SPMIP6: variants seen among roughly 807,000 people sequenced by gnomAD.
SPMIP6 encodes sperm microtubule inner protein 6.
the SPMIP6 span, among the ~76,000 whole-genome samples, chr9:34,387,888 C>G: frequency 6.6e-6 from 1 of 152,164 alleles, no homozygotes; most frequent in South Asian, 2.1e-4. Context: ...TCAGAAAAGA[C>G]TCCTTCAACC....
chr9:34,385,677 G>A, the SPMIP6 span: 42 of 1,613,910 alleles, frequency 2.6e-5, no homozygotes, highest in South Asian at 4.4e-4. Context: ...GCAAGTAGGG[G>A]TGGCCTGATA....
the SPMIP6 span, among the ~76,000 whole-genome samples, chr9:34,386,765 G>A: frequency 3.9e-5 from 6 of 152,166 alleles, no homozygotes; most frequent in African/African-American, 1.4e-4. Flanking sequence ...GCTTTTTGGG[G>A]TTCACCTCAA....
chr9:34,381,443 T>A, the SPMIP6 span: 2 of 1,614,068 alleles, frequency 1.2e-6, no homozygotes, highest in Admixed American at 3.3e-5. The surrounding 1 kb of genome is among the most constrained non-coding windows in gnomAD (Gnocchi z 4.4). Flanking sequence ...CATCCTGGCC[T>A]CCTGGAAGCG....
At chr9:34,390,802 G>T in the SPMIP6 span, among the ~76,000 whole-genome samples, 2 of 151,764 alleles carry the variant, frequency 1.3e-5, no homozygotes, top group Admixed American at 6.6e-5. Context: ...AAATTTTTTT[G>T]TAGAGACGGG....
At chr9:34,385,704 G>T in the SPMIP6 span, 2 of 1,613,890 alleles carry the variant, frequency 1.2e-6, no homozygotes, top group Non-Finnish European at 1.7e-6. Context: ...CCCTATAAGT[G>T]TAGTCCTGTA....
At chr9:34,381,272 C>T in the SPMIP6 span, 10 of 1,596,036 alleles carry the variant, frequency 6.3e-6, no homozygotes, top group South Asian at 1.0e-4. The surrounding 1 kb of genome is among the most constrained non-coding windows in gnomAD (Gnocchi z 4.4). Flanking sequence ...GGACCCTCGG[C>T]CTCCTCCCCG....
At chr9:34,392,947 A>C in the SPMIP6 span, among the ~76,000 whole-genome samples, 16 of 152,214 alleles carry the variant, frequency 1.1e-4, no homozygotes, top group African/African-American at 3.9e-4. The surrounding 1 kb of genome is among the most constrained non-coding windows in gnomAD (Gnocchi z 4.6). Context: ...AATAAGGTGA[A>C]CTACTAAATC....
the SPMIP6 span, among the ~76,000 whole-genome samples, chr9:34,394,682 G>C: frequency 6.6e-6 from 1 of 152,014 alleles, no homozygotes; most frequent in Non-Finnish European, 1.5e-5. Context: ...GTGTGTGTTG[G>C]GGGGCAGAGA....
At chr9:34,397,477 T>C in the SPMIP6 span, 10 of 1,613,806 alleles carry the variant, frequency 6.2e-6, no homozygotes, top group Non-Finnish European at 8.5e-6. Flanking sequence ...GGCCTGCCCC[T>C]CCCCACCAAT....
the SPMIP6 span, among the ~76,000 whole-genome samples, chr9:34,382,477 C>T: frequency 2.9e-4 from 44 of 151,958 alleles, no homozygotes; most frequent in Admixed American, 2.6e-3. Flanking sequence ...CCCAGCTGCT[C>T]GGGAGTGTGA....
At chr9:34,382,654 A>G in the SPMIP6 span, 7 of 793,644 alleles carry the variant, frequency 8.8e-6, no homozygotes, top group Non-Finnish European at 1.6e-5. Flanking sequence ...TTGGGAAAGC[A>G]ATGAGGACCT....
At chr9:34,397,751 C>T in the SPMIP6 span, 3 of 1,009,314 alleles carry the variant, frequency 3.0e-6, no homozygotes, top group Non-Finnish European at 4.3e-6. Context: ...CCCTTAGCTG[C>T]TATAATCCCC....
the SPMIP6 span, chr9:34,379,029 A>C: frequency 8.7e-7 from 1 of 1,149,032 alleles, no homozygotes; most frequent in South Asian, 1.2e-5. This position sits in a 1 kb window ranked among gnomAD's most constrained non-coding sequence, Gnocchi z 4.2. Flanking sequence ...TTTGGGGTTG[A>C]AGAGTTTATT....
At chr9:34,388,357 G>A in the SPMIP6 span, among the ~76,000 whole-genome samples, 425 of 140,122 alleles carry the variant, frequency 3.0e-3, 6 homozygotes, top group Admixed American at 0.026. Flanking sequence ...TCACCATGTT[G>A]GCCAGGCTGG....
the SPMIP6 span, chr9:34,379,505 C>T: frequency 4.6e-4 from 363 of 787,026 alleles, no homozygotes; most frequent in Non-Finnish European, 7.0e-4. This position sits in a 1 kb window ranked among gnomAD's most constrained non-coding sequence, Gnocchi z 4.2. Context: ...CTGCTCCATG[C>T]CACTAGCTCC....
chr9:34,381,815 G>A, the SPMIP6 span: 4 of 972,886 alleles, frequency 4.1e-6, no homozygotes, highest in African/African-American at 5.3e-5. This position sits in a 1 kb window ranked among gnomAD's most constrained non-coding sequence, Gnocchi z 4.4. Context: ...ACTTGTGAAA[G>A]ATTCGATTCT....
the SPMIP6 span, chr9:34,379,770 G>C: frequency 6.5e-7 from 1 of 1,530,512 alleles, no homozygotes; most frequent in African/African-American, 1.4e-5. The surrounding 1 kb of genome is among the most constrained non-coding windows in gnomAD (Gnocchi z 4.2). Context: ...GAGGGGTTGG[G>C]CCTTTTGACT....
At chr9:34,380,362 G>A in the SPMIP6 span, among the ~76,000 whole-genome samples, 1 of 152,186 alleles carries the variant, frequency 6.6e-6, no homozygotes, top group African/African-American at 2.4e-5. Flanking sequence ...GGGATCCGAG[G>A]AGGCCAGAGC....
the SPMIP6 span, among the ~76,000 whole-genome samples, chr9:34,387,502 C>T: frequency 2.0e-5 from 3 of 151,972 alleles, no homozygotes; most frequent in Admixed American, 1.3e-4. Flanking sequence ...AGCATTTCTC[C>T]GAGCTTTACA....
Sources: allele counts gnomAD v4.1 joint callset (sites outside exome capture counted in the v4.1 genomes callset), GRCh38; gene constraint gnomAD v4.1.1; non-coding constraint Gnocchi (gnomAD v3.1); transcripts MANE v1.5; gene names NCBI Gene and HGNC (gene_info 2026-07-23, HGNC 2026-07-21).